CCDC148: variants seen among roughly 807,000 people sequenced by gnomAD.
The protein encoded by CCDC148 is coiled-coil domain containing 148.
A neutral mutation model predicts 85.7 loss-of-function variants in CCDC148; 89 were observed. The observed-to-expected ratio is 1.04, with a 90% CI of 0.87 to 1.24. CCDC148 has a LOEUF of 1.24. CCDC148 is among the 50% of genes most tolerant of loss of function. CCDC148 has a pLI of 0.00. For synonymous variants in CCDC148, 230 were observed against 213.9 expected (o/e 1.08, Z -0.66); for missense variants, 692 against 671.7 (o/e 1.03, Z -0.33).
intron 11 of CCDC148, among the ~76,000 whole-genome samples, chr2:158,195,719 C>G (rs1685638735): frequency 6.6e-6 from 1 of 152,150 alleles, no homozygotes; most frequent in Non-Finnish European, 1.5e-5. Flanking sequence ...CTTCAGCAAC[C>G]TGCAAGAAGA....
In CCDC148 at chr2:158,390,678, A is replaced by C. The variant is rs1436672816; in HGVS notation, c.26-32108T>G. ...CTGAAAAAACAGGTCTGCAGTGAGCATGAAGCCAACATGCTGAGAGATGAA... is the reference window on the plus strand; with the variant it reads ...CTGAAAAAACAGGTCTGCAGTGAGCCTGAAGCCAACATGCTGAGAGATGAA... On this transcript the variant is annotated intron_variant, in intron 1 of 13. Transcript: ENST00000283233. Among the ~76,000 whole-genome samples, 5 of 152,306 alleles carry C rather than the reference A, an allele frequency of 3.3e-5. No individual in the cohort carries two copies. In the East Asian group the frequency reaches 9.7e-4, roughly 29 times the overall value.
At chr2:158,369,948 T>C (rs1327424287) in intron 1 of CCDC148, among the ~76,000 whole-genome samples, 1 of 152,118 alleles carries the variant, frequency 6.6e-6, no homozygotes, top group Non-Finnish European at 1.5e-5. Context: ...TTGTCTTTAG[T>C]TCTGTTTATG....
rs547963152 is a variant in CCDC148, at chr2:158,439,484, C to T, written c.25+16931G>A. 1.1e-4 allele frequency among the ~76,000 whole-genome samples: 17 copies of T among 151,770 alleles called. No individual in the cohort carries two copies. In the East Asian group the frequency reaches 1.9e-3, roughly 17 times the overall value. ...CACACCGAGGCCTGTCGTGGGGTGG[C>T]GGCAGGGGGGAGAGATAGCATTAGG... On this transcript the variant is annotated intron_variant, in intron 1 of 13. Transcript: ENST00000283233.
chr2:158,210,666 G>A (rs115597892), intron 11 of CCDC148, among the ~76,000 whole-genome samples: 3,504 of 151,624 alleles, frequency 0.023, 47 homozygotes, highest in East Asian at 0.069. Context: ...ACTCAAGGCC[G>A]GGTGCGGTGG....
rs190699705 is a variant in CCDC148 at position 158,425,109 on chromosome 2, C to T, written c.25+31306G>A. 4.6e-5 allele frequency: 22 copies of T among 478,330 alleles called. No individual in the cohort carries two copies. The East Asian group carries it at 1.2e-3, about 26-fold the overall frequency. The allele number at this position is 478,330 out of a possible 1,614,324, so 29.6% of individuals were successfully genotyped here. Reference sequence around the variant, plus strand: ...TCAATGATCTAGTGACTACTATGATCGCGGATATGGGAATTACAATAGTGC... The same window carrying T: ...TCAATGATCTAGTGACTACTATGATTGCGGATATGGGAATTACAATAGTGC... On this transcript the variant is annotated intron_variant, in intron 1 of 13. Coordinates refer to ENST00000283233, the MANE Select transcript of CCDC148 (RefSeq NM_138803.4).
rs532841569 is a variant in CCDC148 at position 158,415,181 on chromosome 2, T to C, written c.25+41234A>G. Among the ~76,000 whole-genome samples, 54 of 148,506 alleles carry C rather than the reference T, an allele frequency of 3.6e-4. 1 individual carries two copies. The highest frequency in any genetic ancestry group is 6.5e-4 in the Non-Finnish European group (44 of 67,396). On this transcript the variant is annotated intron_variant, in intron 1 of 13. Transcript: ENST00000283233. ...AAATGGCTCATGGTTTTACAGGCTG[T>C]ACAGGAGGCATGGCTAGGGAGGCCT...
intron 1 of CCDC148, among the ~76,000 whole-genome samples, chr2:158,456,148 T>C (rs1416965333): frequency 1.3e-5 from 2 of 152,194 alleles, no homozygotes; most frequent in Non-Finnish European, 2.9e-5. Context: ...GAGGTTTGCT[T>C]TGAGAATCAG....
At chr2:158,363,110 A>C (rs1327188998) in intron 1 of CCDC148, among the ~76,000 whole-genome samples, 1 of 152,220 alleles carries the variant, frequency 6.6e-6, no homozygotes, top group Non-Finnish European at 1.5e-5. Flanking sequence ...TCCTAAGTCT[A>C]AACCAGGAAG....
At chr2:158,379,537 AT>A (rs1684785818) in intron 1 of CCDC148, among the ~76,000 whole-genome samples, 1 of 152,170 alleles carries the variant, frequency 6.6e-6, no homozygotes, top group Admixed American at 6.6e-5. Context: ...TATCAAAAGC[AT>A]CACATGCTTC....
chr2:158,219,022 A>G lies in CCDC148; in HGVS notation c.1370+1573T>C, dbSNP rs777052427. Among the ~76,000 whole-genome samples the G allele has an allele frequency of 3.9e-5, 6 of 152,314 alleles. 1 individual carries two copies. The Middle Eastern group carries it at 0.01, about 259-fold the overall frequency. ...TGAGATAACAGTCACATGGGTCACA[A>G]AGGAAGCTTCCTAGATACAAGTGAA... On this transcript the variant is annotated intron_variant, in intron 11 of 13. Transcript: ENST00000283233.
intron 10 of CCDC148, among the ~76,000 whole-genome samples, chr2:158,245,484 T>A (rs1280665067): frequency 6.6e-6 from 1 of 152,186 alleles, no homozygotes; most frequent in African/African-American, 2.4e-5. Flanking sequence ...GGTGTGCAGA[T>A]TAGGAGTTGG....
chr2:158,404,983 T>C (rs2105309048), intron 1 of CCDC148, among the ~76,000 whole-genome samples: 1 of 152,320 alleles, frequency 6.6e-6, no homozygotes, highest in East Asian at 1.9e-4. Context: ...AGAAGTAAGT[T>C]ACCAACTGGA....
intron 9 of CCDC148, among the ~76,000 whole-genome samples, chr2:158,302,113 T>A (rs1691472421): frequency 6.6e-6 from 1 of 152,128 alleles, no homozygotes; most frequent in African/African-American, 2.4e-5. Flanking sequence ...TTCCAGACTT[T>A]AGGGAGAAGG....
At chr2:158,188,745 C>T (rs1340406986) in intron 11 of CCDC148, among the ~76,000 whole-genome samples, 1 of 151,922 alleles carries the variant, frequency 6.6e-6, no homozygotes, top group African/African-American at 2.4e-5. Context: ...CAAGTAGGAC[C>T]TAATTAAACT....
chr2:158,424,483 C>T (rs544075235), intron 1 of CCDC148, among the ~76,000 whole-genome samples: 28 of 151,954 alleles, frequency 1.8e-4, no homozygotes, highest in Non-Finnish European at 2.9e-4. Context: ...AACCAAACAC[C>T]GCATGTTCTC....
intron 2 of CCDC148, among the ~76,000 whole-genome samples, chr2:158,358,048 C>G (rs1034210049): frequency 6.6e-6 from 1 of 152,050 alleles, no homozygotes; most frequent in Non-Finnish European, 1.5e-5. Flanking sequence ...AAACAGAATT[C>G]TAGAAAAGAG....
In CCDC148 at chr2:158,309,681, T is replaced by G. The variant is rs199608994; in HGVS notation, c.904-42A>C. On this transcript the variant is annotated intron_variant, in intron 8 of 13. Coordinates refer to ENST00000283233, the MANE Select transcript of CCDC148 (RefSeq NM_138803.4). The stretch of plus-strand genomic sequence containing the variant: ...GGGTGAATACTTATCATTATGAAAA[T>G]GAGCTTACATTTTGCATCATTGTTA... 184 of 1,346,980 alleles carry G rather than the reference T, an allele frequency of 1.4e-4. 1 individual carries two copies. In the African/African-American group the frequency reaches 2.4e-3, roughly 17 times the overall value. 83.4% of individuals were successfully genotyped at this position (1,346,980 alleles called of 1,614,324 possible).
At chr2:158,402,656 A>T (rs1173388928) in intron 1 of CCDC148, among the ~76,000 whole-genome samples, 1 of 152,056 alleles carries the variant, frequency 6.6e-6, no homozygotes, top group African/African-American at 2.4e-5. Context: ...TTTAACAGAT[A>T]TATTAATCCT....
At chr2:158,238,271 GA>G (rs1447654756) in intron 10 of CCDC148, among the ~76,000 whole-genome samples, 10 of 152,030 alleles carry the variant, frequency 6.6e-5, no homozygotes, top group African/African-American at 2.4e-4. Flanking sequence ...GGAGAAGGGG[GA>G]CAGGATTCCA....
Sources: gnomAD v4.1 joint callset for allele counts (sites outside exome capture counted in the v4.1 genomes callset) on GRCh38, gnomAD v4.1.1 for gene constraint, MANE v1.5 for transcripts, NCBI Gene and HGNC (gene_info 2026-07-23, HGNC 2026-07-21) for gene names.